PHEX: variants seen among roughly 807,000 people sequenced by gnomAD.
The protein encoded by PHEX is phosphate regulating endopeptidase X-linked.
Under a neutral mutation model 68.0 loss-of-function variants are expected in PHEX, and 16 were observed. That is an observed-to-expected ratio of 0.24 (90% CI 0.16 to 0.36). The LOEUF (loss-of-function observed/expected upper bound fraction) is 0.36, where lower values mean the gene tolerates loss of function less well. PHEX is among the 10% of genes least tolerant of loss of function. The pLI, the probability that PHEX is intolerant of heterozygous loss-of-function variation, is 1.00. For synonymous variants in PHEX, 208 were observed against 205.1 expected (o/e 1.01, Z -0.12); for missense variants, 480 against 575.5 (o/e 0.83, Z 1.70).
At chrX:22,046,563 CTTTTT>C (rs529373663) in intron 2 of PHEX, among the ~76,000 whole-genome samples, 17 of 77,005 alleles carry the variant, frequency 2.2e-4, no homozygotes, top group African/African-American at 7.7e-4. Flanking sequence ...TATCCATTCC[CTTTTT>C]TTTTTTTTTT....
chrX:22,174,354 G>A (rs1270664475), intron 13 of PHEX, among the ~76,000 whole-genome samples: 3 of 111,784 alleles, frequency 2.7e-5, no homozygotes, highest in African/African-American at 9.7e-5. Context: ...ATTCATTCTT[G>A]TTTCTACTTC....
chrX:22,168,350 T>A lies in PHEX; in HGVS notation c.1443T>A (p.Phe481Leu). 2 of 1,198,743 alleles carry A rather than the reference T, an allele frequency of 1.7e-6. No homozygotes were observed. Among genetic ancestry groups the A allele is most frequent in the Non-Finnish European group, 2.3e-6 (2 of 883,656 alleles). Reference sequence around the variant, plus strand: ...TGGCAAAAGTTGGCTATCCAGAGTTTATAATGAATGATACTCATGTTAATG... The same window carrying A: ...TGGCAAAAGTTGGCTATCCAGAGTTAATAATGAATGATACTCATGTTAATG... ...AVLAKVGYPEFIMNDTHVNED... is the reference protein window; with the variant it reads ...AVLAKVGYPELIMNDTHVNED... The change falls in exon 13 of 22, where the codon TTT becomes TTA. Residue 481 changes from phenylalanine (F) to leucine (L), a missense_variant. Phe to Leu is a conservative substitution (Grantham distance 22). Coordinates refer to ENST00000379374, the MANE Select transcript of PHEX (RefSeq NM_000444.6).
chrX:22,112,361 T>C (rs948204267), intron 10 of PHEX, among the ~76,000 whole-genome samples: 3 of 112,068 alleles, frequency 2.7e-5, no homozygotes, highest in African/African-American at 9.7e-5. Flanking sequence ...ACCTTTGTTT[T>C]TGAGGCTTAT....
At chrX:22,114,310 A>G (rs1197705821) in intron 10 of PHEX, 148 bp from the exon 11 acceptor site, 1 of 539,297 alleles carries the variant, frequency 1.9e-6, no homozygotes, top group Admixed American at 2.8e-5. Flanking sequence ...TTCTTCAACT[A>G]TTTTACCTTT....
intron 12 of PHEX, among the ~76,000 whole-genome samples, chrX:22,149,056 A>G (rs752392746): frequency 8.9e-6 from 1 of 111,859 alleles, no homozygotes; most frequent in Non-Finnish European, 1.9e-5. Context: ...ATTTGAGTTC[A>G]TTAGTAAATA....
intron 18 of PHEX, among the ~76,000 whole-genome samples, chrX:22,222,958 T>TAA (rs1404845029): frequency 8.9e-6 from 1 of 111,974 alleles, no homozygotes; most frequent in Non-Finnish European, 1.9e-5. Flanking sequence ...GTTCTTATTT[T>TAA]AAGTTCATTT....
intron 3 of PHEX, among the ~76,000 whole-genome samples, chrX:22,073,635 G>GTTTTTT (rs1182752837): frequency 5.6e-5 from 3 of 53,218 alleles, no homozygotes; most frequent in Non-Finnish European, 1.0e-4. Context: ...CTGTGCTATA[G>GTTTTTT]TTTTTTTTTT....
rs1019614883 is a variant in PHEX at position 22,139,140 on chromosome X, GAGATTGGTCCCTGTCTCAGA to G, written c.1404+5522_1404+5541del. ...TCAGTTTTCACATCCATAAACTGGGGAGATTGGTCCCTGTCTCAGAAGATTTGTTATGAGGATTAAAAGAG... is the reference window on the plus strand; with the variant it reads ...TCAGTTTTCACATCCATAAACTGGGGAGATTTGTTATGAGGATTAAAAGAG... On this transcript the variant is annotated intron_variant, in intron 12 of 21. Coordinates refer to ENST00000379374, the MANE Select transcript of PHEX (RefSeq NM_000444.6). Among the ~76,000 whole-genome samples the G allele has an allele frequency of 3.6e-5, 4 of 111,879 alleles. No individual in the cohort carries two copies. In the East Asian group the frequency reaches 1.1e-3, roughly 32 times the overall value.
At chrX:22,208,451 A>T (rs1482253166) in intron 15 of PHEX, among the ~76,000 whole-genome samples, 1 of 112,454 alleles carries the variant, frequency 8.9e-6, no homozygotes, top group African/African-American at 3.2e-5. Context: ...AGCAGTCCAC[A>T]ATATGGTTAT....
rs148705537 is a variant in PHEX at position 22,159,064 on chromosome X, A to C, written c.1405-9248A>C. Among the ~76,000 whole-genome samples the C allele has an allele frequency of 5.6e-3, 631 of 113,304 alleles. 5 individuals are homozygous for C. The highest frequency in any genetic ancestry group is 0.019 in the African/African-American group (596 of 31,242). ...TCGCATGTAAATGGTAGTAATAGCA[A>C]AGAGCAAAGCAAAAACAAATAAAAA... On this transcript the variant is annotated intron_variant, in intron 12 of 21. Coordinates refer to ENST00000379374, the MANE Select transcript of PHEX (RefSeq NM_000444.6).
chrX:22,203,848 G>C (rs1407111978), intron 15 of PHEX, among the ~76,000 whole-genome samples: 1 of 112,120 alleles, frequency 8.9e-6, no homozygotes, highest in Admixed American at 9.5e-5. Context: ...CATGCATGGT[G>C]TTGATGACAG....
intron 1 of PHEX, among the ~76,000 whole-genome samples, chrX:22,038,020 C>T (rs760666668): frequency 8.8e-4 from 98 of 111,204 alleles, no homozygotes; most frequent in Non-Finnish European, 1.5e-3. Flanking sequence ...GAGGCTGAAG[C>T]GACTTTAGAG....
chrX:22,046,288 A>G (rs890122743), intron 2 of PHEX, among the ~76,000 whole-genome samples: 4 of 111,729 alleles, frequency 3.6e-5, no homozygotes, highest in African/African-American at 1.3e-4. Context: ...TAGCTTTGAA[A>G]CTCACAGAAA....
intron 9 of PHEX, 196 bp downstream of exon 9, chrX:22,099,347 A>G: frequency 2.2e-6 from 1 of 446,555 alleles, no homozygotes; most frequent in East Asian, 3.8e-5. Context: ...AATGATAACA[A>G]ATGTTTTTGC....
At position 22,203,793 on chromosome X, in the gene PHEX, T is replaced by C. The variant is rs762233760; in HGVS notation, c.1646-9111T>C. ...ATGTAAAGTTTCAGTTTTGAAAGTA[T>C]AGTGTGCAAAATTTTAATAAAAGTA... is the stretch of plus-strand genomic sequence containing the variant. On this transcript the variant is annotated intron_variant, in intron 15 of 21. Coordinates refer to ENST00000379374, the MANE Select transcript of PHEX (RefSeq NM_000444.6). Among the ~76,000 whole-genome samples the C allele has an allele frequency of 5.3e-5, 6 of 112,232 alleles. No homozygotes were observed. In the South Asian group the frequency reaches 1.9e-3, roughly 35 times the overall value.
intron 20 of PHEX, among the ~76,000 whole-genome samples, chrX:22,237,375 C>T (rs1335806126): frequency 9.0e-6 from 1 of 111,549 alleles, no homozygotes; most frequent in Non-Finnish European, 1.9e-5. Context: ...TCAAAAGCAA[C>T]AACATCATAT....
intron 2 of PHEX, among the ~76,000 whole-genome samples, chrX:22,040,362 C>T (rs1352713838): frequency 1.8e-5 from 2 of 111,553 alleles, no homozygotes; most frequent in Non-Finnish European, 3.8e-5. Context: ...AATTATGAAA[C>T]TGGGTGTGGT....
chrX:22,231,699 T>G (rs1935745670), intron 20 of PHEX, among the ~76,000 whole-genome samples: 1 of 111,863 alleles, frequency 8.9e-6, no homozygotes, highest in African/African-American at 3.3e-5. Context: ...ATCTGTGTTG[T>G]TGATCTTTTC....
chrX:22,231,326 G>A (rs1935727732), intron 20 of PHEX, among the ~76,000 whole-genome samples: 1 of 111,781 alleles, frequency 8.9e-6, no homozygotes, highest in Non-Finnish European at 1.9e-5. Flanking sequence ...CTGTGGTTTG[G>A]AATAGCTTCA....
Sources: gnomAD v4.1 joint callset for allele counts (sites outside exome capture counted in the v4.1 genomes callset) on GRCh38, gnomAD v4.1.1 for gene constraint, MANE v1.5 for transcripts, NCBI Gene and HGNC (gene_info 2026-07-23, HGNC 2026-07-21) for gene names.